Variants in PTPRD observed in about 807,000 individuals in gnomAD.
PTPRD encodes protein tyrosine phosphatase receptor type D, also known as receptor-type tyrosine-protein phosphatase delta.
A neutral mutation model predicts 214.5 loss-of-function variants in PTPRD; 34 were observed. That is an observed-to-expected ratio of 0.16 (90% CI 0.12 to 0.21). The LOEUF is 0.21. Ranked by LOEUF, PTPRD falls within the 10% of genes least tolerant of loss-of-function variation. The probability of loss-of-function intolerance (pLI) is 1.00; values close to 1 mark genes in which losing one functional copy is unlikely to be tolerated. For synonymous variants in PTPRD, 1,128 were observed against 845.7 expected (o/e 1.33, Z -5.79); for missense variants, 2,545 against 2,398.7 (o/e 1.06, Z -1.27).
At chr9:9,778,444 G>T (rs1463108147) in intron 5 of PTPRD, among the ~76,000 whole-genome samples, 2 of 152,186 alleles carry the variant, frequency 1.3e-5, no homozygotes, top group Non-Finnish European at 1.5e-5. Context: ...GGCAGCTCCA[G>T]CAAAAAGTAG....
At chr9:10,581,351 A>T (rs752718192) in intron 2 of PTPRD, among the ~76,000 whole-genome samples, 4 of 152,238 alleles carry the variant, frequency 2.6e-5, no homozygotes, top group Non-Finnish European at 4.4e-5. Flanking sequence ...TTTTTCTTGC[A>T]TCTACTCCAC....
At chr9:10,078,606 C>T (rs2098178051) in intron 3 of PTPRD, among the ~76,000 whole-genome samples, 3 of 150,100 alleles carry the variant, frequency 2.0e-5, no homozygotes. Flanking sequence ...ATATCCCAAT[C>T]AGGGGGTGTT....
intron 8 of PTPRD, among the ~76,000 whole-genome samples, chr9:9,416,294 T>A (rs540626027): frequency 2.6e-5 from 4 of 152,314 alleles, no homozygotes; most frequent in African/African-American, 9.6e-5. Flanking sequence ...TTTGAAATCT[T>A]TCCATGCAGT....
At chr9:9,783,437 A>G (rs955088796) in intron 5 of PTPRD, among the ~76,000 whole-genome samples, 1 of 152,126 alleles carries the variant, frequency 6.6e-6, no homozygotes, top group Admixed American at 6.5e-5. Context: ...GTAATCCTTT[A>G]TATGCTGGGG....
chr9:9,698,863 G>A (rs2097433609), intron 7 of PTPRD, among the ~76,000 whole-genome samples: 2 of 152,136 alleles, frequency 1.3e-5, no homozygotes, highest in Non-Finnish European at 2.9e-5. Context: ...TAACAACATA[G>A]CCTAACTCCT....
At chr9:9,823,061 C>A (rs552284301) in intron 5 of PTPRD, among the ~76,000 whole-genome samples, 1 of 152,174 alleles carries the variant, frequency 6.6e-6, no homozygotes, top group Admixed American at 6.6e-5. Flanking sequence ...TATATGGAAT[C>A]AAAATATGTG....
intron 23 of PTPRD, among the ~76,000 whole-genome samples, chr9:8,501,425 G>C (rs1249768952): frequency 6.6e-6 from 1 of 152,030 alleles, no homozygotes; most frequent in Non-Finnish European, 1.5e-5. Flanking sequence ...CTTCAAAAAA[G>C]CTGCAAATAG....
chr9:10,147,066 G>C (rs1380685912), intron 3 of PTPRD, among the ~76,000 whole-genome samples: 1 of 152,062 alleles, frequency 6.6e-6, no homozygotes, highest in Non-Finnish European at 1.5e-5. Flanking sequence ...TGTCACAGAA[G>C]CTAATAAAGG....
chr9:9,688,563 C>A (rs567141266), intron 7 of PTPRD, among the ~76,000 whole-genome samples: 1 of 151,882 alleles, frequency 6.6e-6, no homozygotes, highest in South Asian at 2.1e-4. Flanking sequence ...TAGAACCCTG[C>A]ATACAGATAA....
intron 7 of PTPRD, among the ~76,000 whole-genome samples, chr9:9,672,702 G>T (rs1174735357): frequency 6.6e-6 from 1 of 151,796 alleles, no homozygotes; most frequent in Admixed American, 6.6e-5. Flanking sequence ...ATCCTGACAG[G>T]GAGTTATTAT....
chr9:9,156,587 T>C (rs1466439050), intron 10 of PTPRD, among the ~76,000 whole-genome samples: 1 of 152,156 alleles, frequency 6.6e-6, no homozygotes, highest in East Asian at 1.9e-4. Context: ...AGATTATGTA[T>C]AAATATATGG....
chr9:9,468,642 C>G (rs1004635293), intron 8 of PTPRD, among the ~76,000 whole-genome samples: 1 of 151,894 alleles, frequency 6.6e-6, no homozygotes, highest in Non-Finnish European at 1.5e-5. Context: ...AGCTTATAAA[C>G]CCAGTACTTT....
In PTPRD at chr9:8,366,782, C is replaced by T. The variant is rs577970851; in HGVS notation, c.4661+9154G>A. Among the ~76,000 whole-genome samples, 14 of 152,282 alleles carry T rather than the reference C, an allele frequency of 9.2e-5. No homozygotes were observed. In the South Asian group the frequency reaches 1.2e-3, roughly 14 times the overall value. On this transcript the variant is annotated intron_variant, in intron 39 of 45. Transcript: ENST00000381196. The stretch of plus-strand genomic sequence containing the variant: ...TGTTTGGAACTGCCAAAATGCTGGA[C>T]GTCATACCAAGTGTGAATACGAAGC...
chr9:8,568,068 T>C (rs1435290482), intron 14 of PTPRD, among the ~76,000 whole-genome samples: 1 of 152,156 alleles, frequency 6.6e-6, no homozygotes, highest in African/African-American at 2.4e-5. Flanking sequence ...TTACAGGCAA[T>C]CCATTATAAT....
intron 8 of PTPRD, among the ~76,000 whole-genome samples, chr9:9,495,782 A>G (rs2096153300): frequency 6.6e-6 from 1 of 152,158 alleles, no homozygotes; most frequent in Admixed American, 6.5e-5. Context: ...CAGGTACCCA[A>G]AACTGTTGTC....
chr9:9,661,300 A>G (rs1437869721), intron 7 of PTPRD, among the ~76,000 whole-genome samples: 1 of 151,980 alleles, frequency 6.6e-6, no homozygotes, highest in Non-Finnish European at 1.5e-5. Flanking sequence ...CCCAAAAGTA[A>G]TATCTTAACA....
chr9:9,425,943 G>A (rs142805174), intron 8 of PTPRD, among the ~76,000 whole-genome samples: 98 of 152,236 alleles, frequency 6.4e-4, no homozygotes, highest in African/African-American at 2.2e-3. Context: ...CAAGATGGCC[G>A]AATAGGAACA....
At chr9:9,838,913 G>C (rs1006295810) in intron 5 of PTPRD, among the ~76,000 whole-genome samples, 7 of 151,980 alleles carry the variant, frequency 4.6e-5, no homozygotes, top group African/African-American at 1.7e-4. Flanking sequence ...TAATGTTTAA[G>C]TCTTTAATCC....
intron 3 of PTPRD, among the ~76,000 whole-genome samples, chr9:10,115,935 A>G (rs2098727308): frequency 6.6e-6 from 1 of 152,092 alleles, no homozygotes; most frequent in South Asian, 2.1e-4. Context: ...TAGAATCTGA[A>G]TAACTGGTTG....
Sources: allele counts gnomAD v4.1 joint callset (sites outside exome capture counted in the v4.1 genomes callset), GRCh38; gene constraint gnomAD v4.1.1; transcripts MANE v1.5; gene names NCBI Gene and HGNC (gene_info 2026-07-23, HGNC 2026-07-21).